Variants in EFNA5 observed in about 807,000 individuals in gnomAD.
The protein encoded by EFNA5 is ephrin A5.
EFNA5 carries 5 observed loss-of-function variants against 22.9 expected under a neutral mutation model. That is an observed-to-expected ratio of 0.22 (90% confidence interval 0.11 to 0.46). EFNA5 has a LOEUF of 0.46. Among genes scored for constraint, EFNA5 ranks in the 20% least tolerant of loss-of-function variants. EFNA5 has a pLI of 0.99. For synonymous variants in EFNA5, 113 were observed against 112.2 expected (o/e 1.01, Z -0.04); for missense variants, 237 against 293.3 (o/e 0.81, Z 1.40).
intron 1 of EFNA5, among the ~76,000 whole-genome samples, chr5:107,625,123 C>T (rs164694): frequency 0.15 from 23,404 of 152,020 alleles, 2,150 homozygotes; most frequent in Admixed American, 0.22. Flanking sequence ...TCCAAACTTA[C>T]GCTGTAGCAA....
intron 1 of EFNA5, among the ~76,000 whole-genome samples, chr5:107,481,463 G>A (rs1216845806): frequency 6.6e-6 from 1 of 152,224 alleles, no homozygotes; most frequent in Non-Finnish European, 1.5e-5. Flanking sequence ...AGAATACAGA[G>A]AAAGTAGTGA....
chr5:107,401,364 A>T (rs981810363), intron 2 of EFNA5, among the ~76,000 whole-genome samples: 5 of 152,226 alleles, frequency 3.3e-5, no homozygotes, highest in African/African-American at 1.2e-4. Context: ...AAGAGGTCTC[A>T]ATTGAAATTG....
chr5:107,413,575 G>C (rs1748426655), intron 2 of EFNA5, among the ~76,000 whole-genome samples: 2 of 151,944 alleles, frequency 1.3e-5, no homozygotes, highest in Admixed American at 6.6e-5. Flanking sequence ...CGAAACTGTT[G>C]GTCCAAAATG....
chr5:107,522,246 C>A (rs923345242), intron 1 of EFNA5, among the ~76,000 whole-genome samples: 2 of 152,184 alleles, frequency 1.3e-5, no homozygotes, highest in Non-Finnish European at 2.9e-5. Flanking sequence ...TAAGGCACAT[C>A]TGTACATGTT....
intron 1 of EFNA5, among the ~76,000 whole-genome samples, chr5:107,507,150 C>T (rs191662171): frequency 5.3e-5 from 8 of 152,126 alleles, no homozygotes; most frequent in Admixed American, 4.6e-4. Context: ...ATAAATGATA[C>T]AATCAGAAAA....
chr5:107,555,997 A>T (rs1748402254), intron 1 of EFNA5, among the ~76,000 whole-genome samples: 1 of 152,196 alleles, frequency 6.6e-6, no homozygotes, highest in Non-Finnish European at 1.5e-5. Context: ...ACGCTGCTGG[A>T]CACATTCATG....
chr5:107,658,901 ATAT>A (rs1467783462), intron 1 of EFNA5, among the ~76,000 whole-genome samples: 1 of 152,212 alleles, frequency 6.6e-6, no homozygotes, highest in East Asian at 1.9e-4. Context: ...GGGATGCTGT[ATAT>A]ATGCTGTTTA....
intron 2 of EFNA5, among the ~76,000 whole-genome samples, chr5:107,412,689 A>G (rs1183259487): frequency 6.6e-6 from 1 of 152,176 alleles, no homozygotes; most frequent in African/African-American, 2.4e-5. Flanking sequence ...ACTGACCACT[A>G]CAGATTTGGA....
At position 107,427,208 on chromosome 5, in the gene EFNA5, T is replaced by C. The variant is rs1748832233; in HGVS notation, c.418+9A>G. 1 of 1,614,008 alleles carries C rather than the reference T, an allele frequency of 6.2e-7. No homozygotes were observed. The highest frequency in any genetic ancestry group is 2.2e-5 in the East Asian group (1 of 44,838). ...TGCCCTACAACACGATAAATCTCTA[T>C]ATACTCACAGATGTAGAAATATTCT... On this transcript the variant is annotated intron_variant, in intron 2 of 4. Transcript: ENST00000333274.
At chr5:107,424,890 C>A (rs1019967288) in intron 2 of EFNA5, among the ~76,000 whole-genome samples, 3 of 152,130 alleles carry the variant, frequency 2.0e-5, no homozygotes, top group Non-Finnish European at 4.4e-5. Context: ...GGAAGGATGC[C>A]TTTGCGGGTC....
At chr5:107,390,284 T>C (rs1747750962) in intron 2 of EFNA5, among the ~76,000 whole-genome samples, 2 of 152,222 alleles carry the variant, frequency 1.3e-5, no homozygotes, top group African/African-American at 2.4e-5. Context: ...TGCTCAAGGT[T>C]CTGTCACCCC....
intron 1 of EFNA5, among the ~76,000 whole-genome samples, chr5:107,610,257 A>G (rs1171280146): frequency 3.9e-5 from 6 of 152,218 alleles, no homozygotes; most frequent in Admixed American, 3.3e-4. Flanking sequence ...AGAGTTTTCC[A>G]TTTTTATTAG....
At chr5:107,547,232 C>T (rs1173402292) in intron 1 of EFNA5, among the ~76,000 whole-genome samples, 1 of 152,176 alleles carries the variant, frequency 6.6e-6, no homozygotes. Flanking sequence ...ATACAACTTC[C>T]TTCGGGCCCC....
intron 1 of EFNA5, among the ~76,000 whole-genome samples, chr5:107,443,357 T>C (rs563759206): frequency 6.6e-6 from 1 of 152,374 alleles, no homozygotes; most frequent in South Asian, 2.1e-4. Flanking sequence ...AATTAAATGA[T>C]GACTATAAGC....
At chr5:107,539,655 C>T (rs1748003688) in intron 1 of EFNA5, among the ~76,000 whole-genome samples, 2 of 152,056 alleles carry the variant, frequency 1.3e-5, no homozygotes, top group Non-Finnish European at 2.9e-5. Flanking sequence ...GACGGGGTTT[C>T]ACCGTGTTGG....
chr5:107,494,898 C>T (rs1746931667), intron 1 of EFNA5, among the ~76,000 whole-genome samples: 2 of 152,102 alleles, frequency 1.3e-5, no homozygotes, highest in Admixed American at 1.3e-4. Flanking sequence ...TATCTAGCTA[C>T]TCTGGTGGGG....
At chr5:107,496,913 G>C (rs1747001831) in intron 1 of EFNA5, among the ~76,000 whole-genome samples, 1 of 152,206 alleles carries the variant, frequency 6.6e-6, no homozygotes, top group Non-Finnish European at 1.5e-5. Context: ...GCTCCTAGGA[G>C]CAAGTCATAT....
chr5:107,441,673 A>G (rs1749260512), intron 1 of EFNA5, among the ~76,000 whole-genome samples: 1 of 152,198 alleles, frequency 6.6e-6, no homozygotes, highest in African/African-American at 2.4e-5. Flanking sequence ...ATACTTACAT[A>G]TGCATAGCAC....
chr5:107,628,164 G>A (rs1467356760), intron 1 of EFNA5, among the ~76,000 whole-genome samples: 1 of 152,038 alleles, frequency 6.6e-6, no homozygotes, highest in Non-Finnish European at 1.5e-5. Context: ...GCACCAAGAA[G>A]GTAAAGAACT....
Sources: gnomAD v4.1 joint callset for allele counts (sites outside exome capture counted in the v4.1 genomes callset) on GRCh38, gnomAD v4.1.1 for gene constraint, MANE v1.5 for transcripts, NCBI Gene and HGNC (gene_info 2026-07-23, HGNC 2026-07-21) for gene names.